FLNB: variants seen among roughly 807,000 people sequenced by gnomAD.
The protein encoded by FLNB is filamin-B.
A neutral mutation model predicts 250.6 loss-of-function variants in FLNB; 111 were observed. The ratio of observed to expected loss-of-function variants is 0.44; its 90% CI spans 0.38 to 0.52. The LOEUF is 0.52. Ranked by LOEUF, FLNB falls within the 20% of genes least tolerant of loss-of-function variation. The pLI is 0.00. For synonymous variants in FLNB, 1,302 were observed against 1,372.1 expected (o/e 0.95, Z 1.13); for missense variants, 2,869 against 3,447.8 (o/e 0.83, Z 4.20).
intron 1 of FLNB, among the ~76,000 whole-genome samples, chr3:58,071,381 C>T (rs1292698794): frequency 6.7e-6 from 1 of 148,738 alleles, no homozygotes; most frequent in South Asian, 2.1e-4. Flanking sequence ...CAGGTTCAAG[C>T]GATTCTTGTG....
chr3:58,146,081 C>T (rs1267101667), intron 33 of FLNB, 32 bp downstream of exon 33: 2 of 1,613,836 alleles, frequency 1.2e-6, no homozygotes, highest in Admixed American at 3.3e-5. Context: ...TATACGCCTC[C>T]AGCTGTCCAT....
intron 41 of FLNB, among the ~76,000 whole-genome samples, chr3:58,158,370 TG>T (rs1476056951): frequency 6.6e-6 from 1 of 152,254 alleles, no homozygotes. Context: ...TATGTATATA[TG>T]GCCTCGTGGC....
At chr3:58,122,841 A>T (rs1301666072) in intron 20 of FLNB, among the ~76,000 whole-genome samples, 1 of 151,994 alleles carries the variant, frequency 6.6e-6, no homozygotes, top group Non-Finnish European at 1.5e-5. Flanking sequence ...GAGAGAGGAG[A>T]GTCTTGGAGG....
At chr3:58,009,316 G>A (rs935813489) in intron 1 of FLNB, among the ~76,000 whole-genome samples, 2 of 152,180 alleles carry the variant, frequency 1.3e-5, no homozygotes, top group Non-Finnish European at 2.9e-5. Flanking sequence ...GCCGGGCCGT[G>A]AGACCTGAGG....
intron 1 of FLNB, among the ~76,000 whole-genome samples, chr3:58,062,005 C>T (rs1284124749): frequency 2.6e-5 from 4 of 151,066 alleles, no homozygotes; most frequent in African/African-American, 7.3e-5. Context: ...GTGGGAGAAT[C>T]GCTTGAACCT....
At chr3:58,100,812 T>C (rs1272839340) in intron 8 of FLNB, among the ~76,000 whole-genome samples, 4 of 151,946 alleles carry the variant, frequency 2.6e-5, no homozygotes, top group African/African-American at 9.7e-5. Flanking sequence ...TTGGCCAGGC[T>C]GGTCTCGAAC....
rs887600109 is a variant in FLNB, at chr3:58,169,340, A to T, written c.7418-250A>T. On this transcript the variant is annotated intron_variant, in intron 44 of 45. Transcript: ENST00000295956. The surrounding 1 kb of genome is among the most constrained non-coding windows in gnomAD (Gnocchi z 4.8). Reference sequence around the variant, plus strand: ...GTGGGTAGGGGGTGGGGGGATTGGGAGGGTCCTTGGCCTTGTCAGCCAAGG... The same window carrying T: ...GTGGGTAGGGGGTGGGGGGATTGGGTGGGTCCTTGGCCTTGTCAGCCAAGG... 1 of 530,688 alleles carries T rather than the reference A, an allele frequency of 1.9e-6. No homozygotes were observed. The highest frequency in any genetic ancestry group is 3.4e-6 in the Non-Finnish European group (1 of 293,592). 32.9% of individuals were successfully genotyped at this position (530,688 alleles called of 1,614,324 possible).
At chr3:58,159,791 G>C in intron 42 of FLNB, 105 bp downstream of exon 42, 1 of 1,226,820 alleles carries the variant, frequency 8.2e-7, no homozygotes, top group Non-Finnish European at 1.2e-6. Flanking sequence ...ATTACTGCCA[G>C]TGAGCCTCTG....
intron 1 of FLNB, among the ~76,000 whole-genome samples, chr3:58,056,512 A>G (rs2097170888): frequency 6.6e-6 from 1 of 152,186 alleles, no homozygotes; most frequent in Admixed American, 6.5e-5. Context: ...TTATTGCTGT[A>G]AAATAGTTTG....
intron 5 of FLNB, 100 bp from the exon 6 acceptor site, chr3:58,096,041 T>G: frequency 1.1e-6 from 1 of 879,570 alleles, no homozygotes; most frequent in South Asian, 1.4e-5. Flanking sequence ...GCACCTTCAG[T>G]GTTTCCGACC....
chr3:58,069,296 A>C (rs1411874168), intron 1 of FLNB, among the ~76,000 whole-genome samples: 1 of 138,742 alleles, frequency 7.2e-6, no homozygotes, highest in East Asian at 2.0e-4. Context: ...CTGGAGTGCA[A>C]TGGAGTGATT....
chr3:58,108,625 C>G, intron 13 of FLNB, 54 bp downstream of exon 13: 1 of 1,098,092 alleles, frequency 9.1e-7, no homozygotes, highest in South Asian at 1.3e-5. Flanking sequence ...AAGATCTGAC[C>G]ACGTAATGGC....
At chr3:58,050,808 C>T (rs186947644) in intron 1 of FLNB, among the ~76,000 whole-genome samples, 1 of 152,350 alleles carries the variant, frequency 6.6e-6, no homozygotes, top group African/African-American at 2.4e-5. Flanking sequence ...ACAGCTTCCT[C>T]TGGGGCCCTT....
At chr3:58,100,382 A>ATATATATATATATATATATATATG (rs1485395843) in intron 8 of FLNB, among the ~76,000 whole-genome samples, 2 of 127,716 alleles carry the variant, frequency 1.6e-5, no homozygotes, top group African/African-American at 3.4e-5. Context: ...AAATATATAT[A>ATATATATATATATATATATATATG]TATTTGCAGG....
intron 8 of FLNB, 25 bp from the exon 9 acceptor site, chr3:58,102,178 A>G: frequency 6.2e-7 from 1 of 1,614,058 alleles, no homozygotes; most frequent in South Asian, 1.1e-5. Flanking sequence ...GAAAGATTGA[A>G]TTGATGTCAA....
chr3:58,154,733 A>G, intron 39 of FLNB, 58 bp from the exon 40 acceptor site: 2 of 1,595,000 alleles, frequency 1.3e-6, no homozygotes, highest in Non-Finnish European at 8.6e-7. Flanking sequence ...ACAAGGATGG[A>G]AGAGGGACAG....
chr3:58,129,365 T>A (rs1031778064), intron 24 of FLNB, among the ~76,000 whole-genome samples: 20 of 152,154 alleles, frequency 1.3e-4, no homozygotes, highest in African/African-American at 4.6e-4. Flanking sequence ...GGACAGTTTA[T>A]CTTACCCGGG....
In FLNB at chr3:58,016,595, T is replaced by C. The variant is rs550751299; in HGVS notation, c.292+7739T>C. ...TTAGATGACAAATCCAAATATAAAA[T>C]CTGTTTTTTTCCTGGCTCTAACGGA... On this transcript the variant is annotated intron_variant, in intron 1 of 45. Transcript: ENST00000295956. 3.9e-5 allele frequency among the ~76,000 whole-genome samples: 6 copies of C among 152,130 alleles called. No homozygotes were observed. The South Asian group carries it at 1.2e-3, about 32-fold the overall frequency.
In FLNB at chr3:58,143,585, C is replaced by T. The variant is rs2097330823; in HGVS notation, c.5397C>T (p.His1799=). The T allele has an allele frequency of 1.2e-6, 2 of 1,614,012 alleles. No homozygotes were observed. Among genetic ancestry groups the T allele is most frequent in the African/African-American group, 1.3e-5 (1 of 74,932 alleles). Residue 1799 remains histidine (H), a synonymous_variant, in exon 32 of 46, where the codon CAC becomes CAT. Coordinates refer to ENST00000295956, the MANE Select transcript of FLNB (RefSeq NM_001457.4). ...APTEVGLHEM[H]IKYMGSHIPE... ...CTGAGGTCGGGCTCCATGAGATGCA[C>T]ATCAAATACATGGGCAGCCACATCC...
Sources: gnomAD v4.1 joint callset for allele counts (sites outside exome capture counted in the v4.1 genomes callset) on GRCh38, gnomAD v4.1.1 for gene constraint, Gnocchi (gnomAD v3.1) non-coding constraint, MANE v1.5 for transcripts, NCBI Gene and HGNC (gene_info 2026-07-23, HGNC 2026-07-21) for gene names.